ESRRG: variants seen among roughly 807,000 people sequenced by gnomAD.
ESRRG encodes the protein estrogen-related receptor gamma.
In ESRRG, 13 loss-of-function variants were observed where a neutral mutation model predicts 44.0. The observed-to-expected ratio is 0.30, with a 90% confidence interval of 0.19 to 0.47. ESRRG has a LOEUF of 0.47. ESRRG is among the 20% of genes least tolerant of loss of function. ESRRG has a pLI of 1.00. For synonymous variants in ESRRG, 215 were observed against 214.6 expected (o/e 1.00, Z -0.02); for missense variants, 395 against 580.6 (o/e 0.68, Z 3.29).
At chr1:216,667,924 C>T (rs565953760) in intron 2 of ESRRG, among the ~76,000 whole-genome samples, 6 of 151,508 alleles carry the variant, frequency 4.0e-5, no homozygotes, top group South Asian at 2.1e-4. Flanking sequence ...GGTGAAACCC[C>T]GTCTCTACTG....
At chr1:216,979,881 T>C (rs2073638160) in intron 1 of ESRRG, among the ~76,000 whole-genome samples, 1 of 152,094 alleles carries the variant, frequency 6.6e-6, no homozygotes, top group African/African-American at 2.4e-5. Flanking sequence ...AATGCACATA[T>C]TGCATTGAGC....
At chr1:216,982,194 G>C (rs373619810) in intron 1 of ESRRG, among the ~76,000 whole-genome samples, 3 of 152,294 alleles carry the variant, frequency 2.0e-5, no homozygotes, top group East Asian at 3.9e-4. Context: ...GTGCCACTTT[G>C]AGAAAAAGAA....
chr1:216,682,898 T>A (rs1207811655), intron 1 of ESRRG, among the ~76,000 whole-genome samples: 2 of 152,104 alleles, frequency 1.3e-5, no homozygotes, highest in Non-Finnish European at 2.9e-5. Context: ...TTCAACTAAT[T>A]GCACTCTCGT....
intron 1 of ESRRG, among the ~76,000 whole-genome samples, chr1:216,995,787 A>G (rs2150573815): frequency 6.6e-6 from 1 of 152,346 alleles, no homozygotes; most frequent in African/African-American, 2.4e-5. Flanking sequence ...CAGAATTTTA[A>G]GAATTGCTTA....
At chr1:216,802,594 T>A (rs891974227) in intron 2 of ESRRG, among the ~76,000 whole-genome samples, 1 of 152,090 alleles carries the variant, frequency 6.6e-6, no homozygotes, top group Non-Finnish European at 1.5e-5. Flanking sequence ...AGCAGAGTAG[T>A]AAACCAAGCA....
chr1:216,533,159 A>G (rs2149144758), intron 5 of ESRRG, among the ~76,000 whole-genome samples: 1 of 152,286 alleles, frequency 6.6e-6, no homozygotes, highest in African/African-American at 2.4e-5. Flanking sequence ...CATGTGTATA[A>G]ATACTAAATA....
chr1:216,616,987 G>A (rs1288332486), intron 3 of ESRRG, among the ~76,000 whole-genome samples: 1 of 152,120 alleles, frequency 6.6e-6, no homozygotes, highest in Non-Finnish European at 1.5e-5. Flanking sequence ...AGAAGACTCA[G>A]TGTATGTAGA....
intron 1 of ESRRG, among the ~76,000 whole-genome samples, chr1:216,942,600 C>T (rs2065429214): frequency 1.3e-5 from 2 of 152,160 alleles, no homozygotes; most frequent in Admixed American, 6.5e-5. Flanking sequence ...TTAATAATAG[C>T]CACTCTTACT....
At chr1:216,646,162 T>G (rs563274158) in intron 3 of ESRRG, among the ~76,000 whole-genome samples, 2 of 152,218 alleles carry the variant, frequency 1.3e-5, no homozygotes, top group South Asian at 4.1e-4. Context: ...TTTTTTTCCT[T>G]TTTATACTGT....
chr1:216,937,194 G>A (rs780683903), intron 2 of ESRRG, among the ~76,000 whole-genome samples: 1 of 150,910 alleles, frequency 6.6e-6, no homozygotes, highest in African/African-American at 2.4e-5. Context: ...TAAATAAATA[G>A]AATTGACAAA....
intron 5 of ESRRG, among the ~76,000 whole-genome samples, chr1:216,549,508 A>C (rs6604635): frequency 0.52 from 79,530 of 151,844 alleles, 21,210 homozygotes; most frequent in African/African-American, 0.6. Flanking sequence ...AGTTGCCAGG[A>C]GAGCATAATT....
At position 216,810,569 on chromosome 1, in the gene ESRRG, T is replaced by C. The variant is rs191637784; in HGVS notation, c.-14+129013A>G. 7.1e-3 allele frequency among the ~76,000 whole-genome samples: 1,047 copies of C among 147,444 alleles called. 10 individuals are homozygous for C. Among genetic ancestry groups the C allele is most frequent in the Middle Eastern group, 0.032 (9 of 280 alleles). On this transcript the variant is annotated intron_variant, in intron 2 of 7. Transcript: ENST00000359162. The stretch of plus-strand genomic sequence containing the variant: ...AGTAATAGAAGGCAGAATATATATA[T>C]TATATATATTATAAATTATATATAT...
chr1:216,712,587 A>G (rs962107467), intron 1 of ESRRG, among the ~76,000 whole-genome samples: 4 of 152,240 alleles, frequency 2.6e-5, no homozygotes, highest in Non-Finnish European at 4.4e-5. Context: ...GCTGCCTCCC[A>G]GCACTGCTGC....
At chr1:216,722,862 A>C (rs2086652356) in intron 1 of ESRRG, among the ~76,000 whole-genome samples, 2 of 152,200 alleles carry the variant, frequency 1.3e-5, no homozygotes, top group South Asian at 4.1e-4. Context: ...CAATAGTATA[A>C]ATCATTTTGA....
chr1:216,820,957 T>A (rs2095272761), intron 2 of ESRRG, among the ~76,000 whole-genome samples: 1 of 152,248 alleles, frequency 6.6e-6, no homozygotes, highest in African/African-American at 2.4e-5. Context: ...CTTTGTGGAC[T>A]GATCATATTT....
chr1:216,543,635 G>A (rs548371301), intron 5 of ESRRG, among the ~76,000 whole-genome samples: 2 of 152,012 alleles, frequency 1.3e-5, no homozygotes, highest in Non-Finnish European at 2.9e-5. Flanking sequence ...TGTTTCTGGT[G>A]CTTCACTACG....
chr1:216,977,277 G>A (rs1258113299), intron 1 of ESRRG, among the ~76,000 whole-genome samples: 1 of 149,814 alleles, frequency 6.7e-6, no homozygotes, highest in Non-Finnish European at 1.5e-5. Flanking sequence ...CAACCTAATG[G>A]TACCAGAAGG....
intron 2 of ESRRG, among the ~76,000 whole-genome samples, chr1:216,664,684 C>T (rs2073427107): frequency 1.1e-5 from 1 of 92,152 alleles, no homozygotes; most frequent in South Asian, 4.6e-4. Flanking sequence ...AGGATGGTTG[C>T]TACTGAAGAA....
chr1:216,906,015 T>C (rs926568391), intron 2 of ESRRG, among the ~76,000 whole-genome samples: 5 of 152,184 alleles, frequency 3.3e-5, no homozygotes, highest in African/African-American at 7.2e-5. Context: ...CCTCACAAAG[T>C]GCTGGGATTA....
Sources: allele counts gnomAD v4.1 joint callset (sites outside exome capture counted in the v4.1 genomes callset), GRCh38; gene constraint gnomAD v4.1.1; transcripts MANE v1.5; gene names NCBI Gene and HGNC (gene_info 2026-07-23, HGNC 2026-07-21).